The following NAV1 variants were observed in gnomAD, a reference collection of about 807,000 sequenced individuals.
The protein encoded by NAV1 is pore membrane and/or filament interacting like protein 3.
Under a neutral mutation model 175.2 loss-of-function variants are expected in NAV1, and 18 were observed. That is an observed-to-expected ratio of 0.10 (90% CI 0.07 to 0.15). The LOEUF (loss-of-function observed/expected upper bound fraction) is 0.15, where lower values mean the gene tolerates loss of function less well. Among genes scored for constraint, NAV1 ranks in the 10% least tolerant of loss-of-function variants. NAV1 has a pLI of 1.00. For synonymous variants in NAV1, 897 were observed against 978.7 expected, an observed-to-expected ratio of 0.92 and a Z score of 1.56; for missense variants, 1,731 against 2,436.6, an observed-to-expected ratio of 0.71 and a Z score of 6.10.
At chr1:201,544,337 A>G (rs1257005474) in intron 1 of NAV1, among the ~76,000 whole-genome samples, 3 of 152,162 alleles carry the variant, frequency 2.0e-5, no homozygotes, top group Non-Finnish European at 4.4e-5. Flanking sequence ...TTCCCTCCCC[A>G]TCTGGTCGGT....
At chr1:201,570,499 C>T (rs771017477) in intron 1 of NAV1, among the ~76,000 whole-genome samples, 12 of 152,196 alleles carry the variant, frequency 7.9e-5, no homozygotes, top group Non-Finnish European at 1.5e-4. Context: ...TGTCCTTATG[C>T]GAGAATAGAG....
chr1:201,635,500 C>T (rs1023994929), intron 2 of NAV1, among the ~76,000 whole-genome samples: 5 of 152,166 alleles, frequency 3.3e-5, no homozygotes, highest in African/African-American at 1.2e-4. Context: ...TGCAGCTGTA[C>T]GTGATCTACA....
chr1:201,785,256 G>A, intron 7 of NAV1, 54 bp from the exon 12 acceptor site: 1 of 1,582,424 alleles, frequency 6.3e-7, no homozygotes, highest in Non-Finnish European at 8.6e-7. Flanking sequence ...TTCCTAAGAT[G>A]GACCCACATG....
At chr1:201,794,095 C>T (rs916054969) in intron 14 of NAV1, 26 of 690,806 alleles carry the variant, frequency 3.8e-5, no homozygotes, top group South Asian at 2.6e-4. Flanking sequence ...TCCAATGCCT[C>T]GCCCATTGCC....
In NAV1 at chr1:201,790,580, AGGGT is replaced by A. The variant is rs1401784273; in HGVS notation, c.3243+6_3243+9del. ...CTGAGGAGAGGATGCAATCTGAGGT[AGGGT>A]GGAAAGCCTTTGTCTCTGCTTGTTA... On this transcript the variant is annotated splice_donor_5th_base_variant and intron_variant, in intron 12 of 29. Transcript: ENST00000367296. 1 of 1,613,944 alleles carries A rather than the reference AGGGT, an allele frequency of 6.2e-7. No individual in the cohort carries two copies. The highest frequency in any genetic ancestry group is 8.5e-7 in the Non-Finnish European group (1 of 1,180,026).
intron 1 of NAV1, among the ~76,000 whole-genome samples, chr1:201,624,334 C>T (rs1375412688): frequency 1.4e-4 from 20 of 143,466 alleles, no homozygotes; most frequent in African/African-American, 4.6e-4. Context: ...TAGTCAACTA[C>T]GCTTTTTTTT....
chr1:201,783,968 A>G, intron 7 of NAV1, 116 bp downstream of exon 11: 6 of 915,716 alleles, frequency 6.6e-6, no homozygotes, highest in Non-Finnish European at 8.1e-6. Context: ...ATTTTTTCAC[A>G]TATATTAAGT....
Position 201,784,990 on chromosome 1 carries a change from G to A in NAV1, c.2805-320G>A, listed in dbSNP as rs544076392. Among the ~76,000 whole-genome samples the A allele has an allele frequency of 8.5e-5, 13 of 152,132 alleles. No individual in the cohort carries two copies. In the East Asian group the frequency reaches 1.2e-3, roughly 14 times the overall value. The stretch of plus-strand genomic sequence containing the variant: ...TCACCGTGTTAGCCAGGATGGTCTC[G>A]ATCTCCCGACCTCGTGATCCACCCG... On this transcript the variant is annotated intron_variant, in intron 7 of 29. Coordinates refer to ENST00000367296, the Ensembl canonical transcript of NAV1.
At position 201,718,803 on chromosome 1, in the gene NAV1, C is replaced by T. The variant is rs369112477; in HGVS notation, c.1226+48C>T. The T allele has an allele frequency of 1.9e-5, 30 of 1,558,196 alleles. No homozygotes were observed. The highest frequency in any genetic ancestry group is 2.6e-5 in the Non-Finnish European group (30 of 1,148,554). ...TGGCGGGGGAGGATGGTGGAAAGAC[C>T]ACTGGGATGCGACGCCTTAAAAGTG... On this transcript the variant is annotated intron_variant, in intron 3 of 29. Transcript: ENST00000367296. This position sits in a 1 kb window ranked among gnomAD's most constrained non-coding sequence, Gnocchi z 4.8.
exon 30 of NAV1, chr1:201,820,014 C>A: frequency 7.6e-7 from 1 of 1,307,318 alleles, no homozygotes; most frequent in Non-Finnish European, 1.1e-6. Context: ...TCTCCTCTTT[C>A]AGAGCACTGG....
At chr1:201,817,415 C>A (rs537400946) in intron 29 of NAV1, 130 bp downstream of exon 33, 34 of 774,290 alleles carry the variant, frequency 4.4e-5, no homozygotes, top group Non-Finnish European at 6.9e-5. Context: ...GAGTTCAAAA[C>A]CAGCCTGGGC....
At chr1:201,577,471 GA>G (rs1259941303) in intron 1 of NAV1, among the ~76,000 whole-genome samples, 3 of 129,178 alleles carry the variant, frequency 2.3e-5, no homozygotes, top group East Asian at 5.5e-4. Context: ...CTGAGACTTA[GA>G]TTTTTTTTTT....
At chr1:201,598,382 A>G (rs904064322) in intron 2 of NAV1, among the ~76,000 whole-genome samples, 2 of 152,238 alleles carry the variant, frequency 1.3e-5, no homozygotes, top group South Asian at 2.1e-4. Context: ...AGGACCCCCA[A>G]GAAACTTGAT....
At chr1:201,825,261 C>G (rs2102856832) in exon 30 of NAV1, 1 of 151,720 alleles carries the variant, frequency 6.6e-6, no homozygotes, top group Admixed American at 6.6e-5. Context: ...AGGTCTCTTC[C>G]AGATTGCTCT....
intron 1 of NAV1, among the ~76,000 whole-genome samples, chr1:201,558,074 T>C (rs1666083849): frequency 6.6e-6 from 1 of 152,220 alleles, no homozygotes; most frequent in African/African-American, 2.4e-5. Context: ...ATATTATTTA[T>C]CCCCTCAATG....
At chr1:201,666,429 T>G (rs555253804) in intron 1 of NAV1, among the ~76,000 whole-genome samples, 11 of 151,884 alleles carry the variant, frequency 7.2e-5, no homozygotes, top group African/African-American at 2.7e-4. Context: ...AAAAGACAGA[T>G]GGGGTGGGGG....
rs1029602208 is a variant in NAV1 at position 201,803,523 on chromosome 1, T to C, written c.3518-70T>C. 3.9e-6 allele frequency: 6 copies of C among 1,530,658 alleles called. No individual in the cohort carries two copies. In the African/African-American group the frequency reaches 5.6e-5, roughly 14 times the overall value. The allele number at this position is 1,530,658 out of a possible 1,614,324, so 94.8% of individuals were successfully genotyped here. On this transcript the variant is annotated intron_variant, in intron 15 of 29. Coordinates refer to ENST00000367296, the Ensembl canonical transcript of NAV1. The stretch of plus-strand genomic sequence containing the variant: ...TCTCCTTTCTCTTATCTTCTGCCAC[T>C]AGACTTGCCTGAAGTCTCACATCCT...
chr1:201,760,950 A>T lies in NAV1; in HGVS notation c.1227-19471A>T, dbSNP rs552749149. 1.5e-3 allele frequency among the ~76,000 whole-genome samples: 235 copies of T among 152,258 alleles called. 1 individual carries two copies. Among genetic ancestry groups the T allele is most frequent in the Non-Finnish European group, 2.8e-3 (191 of 68,026 alleles). ...CTTCTCTTTAGGTTTTAATATTTGG[A>T]ATTTGTGTTTGTTTCTGTTTTGCTG... On this transcript the variant is annotated intron_variant, in intron 3 of 29. Transcript: ENST00000367296.
At chr1:201,648,662 G>A in exon 1 of NAV1, 7 of 1,391,346 alleles carry the variant, frequency 5.0e-6, no homozygotes, top group Non-Finnish European at 6.5e-6. Flanking sequence ...CGCTCCTCGC[G>A]GGCAGAATGC....
Sources: allele counts gnomAD v4.1 joint callset (sites outside exome capture counted in the v4.1 genomes callset), GRCh38; gene constraint gnomAD v4.1.1; non-coding constraint Gnocchi (gnomAD v3.1); transcripts MANE v1.5; gene names NCBI Gene and HGNC (gene_info 2026-07-23, HGNC 2026-07-21).